Variants in SLCO1B3 observed in about 807,000 individuals in gnomAD.
SLCO1B3 encodes the protein liver-specific organic anion transporter 2.
Under a neutral mutation model 71.8 loss-of-function variants are expected in SLCO1B3, and 72 were observed. The ratio of observed to expected loss-of-function variants is 1.00; its 90% CI spans 0.83 to 1.22. The LOEUF is 1.22. SLCO1B3 is among the 50% of genes most tolerant of loss of function. SLCO1B3 has a pLI of 0.00. For synonymous variants in SLCO1B3, 298 were observed against 278.4 expected (o/e 1.07, Z -0.70); for missense variants, 911 against 819.7 (o/e 1.11, Z -1.36).
intron 3 of SLCO1B3, among the ~76,000 whole-genome samples, chr12:20,852,820 A>C (rs897988150): frequency 1.3e-5 from 2 of 151,832 alleles, no homozygotes; most frequent in Admixed American, 1.3e-4. Context: ...TTTTTTCTAA[A>C]TTTTTTTTGG....
At chr12:20,843,734 T>A (rs1272341525) in intron 3 of SLCO1B3, among the ~76,000 whole-genome samples, 6 of 151,890 alleles carry the variant, frequency 4.0e-5, no homozygotes, top group Non-Finnish European at 1.5e-5. Context: ...TGAGCTGAGA[T>A]TGTGTCACTG....
At chr12:20,888,727 T>G (rs1428089511) in intron 13 of SLCO1B3, among the ~76,000 whole-genome samples, 1 of 152,098 alleles carries the variant, frequency 6.6e-6, no homozygotes, top group Non-Finnish European at 1.5e-5. Context: ...AATACTACGT[T>G]GAATACGAGT....
intron 13 of SLCO1B3, among the ~76,000 whole-genome samples, chr12:20,884,039 C>T (rs1011236272): frequency 1.3e-5 from 2 of 152,170 alleles, no homozygotes; most frequent in East Asian, 3.9e-4. Context: ...GCTTTCAATT[C>T]ACCCACAGCA....
At position 20,879,572 on chromosome 12, in the gene SLCO1B3, A is replaced by G. The variant is rs4149143; in HGVS notation, c.1272A>G (p.Leu424=). The G allele has an allele frequency of 9.9e-5, 159 of 1,613,272 alleles. No individual in the cohort carries two copies. In the East Asian group the frequency reaches 2.8e-3, roughly 29 times the overall value. The part of the protein sequence containing the change: ...TSMISFLFQL[L]YFPLICESKS... ...TGATATCCTTCTTGTTTCAACTTCT[A>G]TATTTCCCTCTAATCTGCGAAAGCA... The change falls in exon 11 of 16, where the codon CTA becomes CTG. Residue 424 remains leucine, a synonymous_variant. Transcript: ENST00000381545.
intron 13 of SLCO1B3, 24 bp downstream of exon 13, chr12:20,883,626 TGTCA>T: frequency 6.7e-7 from 1 of 1,503,002 alleles, no homozygotes; most frequent in Non-Finnish European, 9.0e-7. Flanking sequence ...TGTAAAACAT[TGTCA>T]TGTATATTAG....
chr12:20,884,173 T>C (rs910879271), intron 13 of SLCO1B3, among the ~76,000 whole-genome samples: 1 of 152,186 alleles, frequency 6.6e-6, no homozygotes, highest in Non-Finnish European at 1.5e-5. Flanking sequence ...CGATGAAGAA[T>C]ATTTCCTAGT....
Position 20,879,988 on chromosome 12 carries a change from G to A in SLCO1B3, c.1331+357G>A, listed in dbSNP as rs1649910831. ...AAGACACAAATTTGAGCTATTAGAG[G>A]TATCAGATGTCATTAAATAAAATTA... On this transcript the variant is annotated intron_variant, in intron 11 of 15. Coordinates refer to ENST00000381545, the MANE Select transcript of SLCO1B3 (RefSeq NM_019844.4). Among the ~76,000 whole-genome samples, 4 of 151,824 alleles carry A rather than the reference G, an allele frequency of 2.6e-5. No individual in the cohort carries two copies. In the South Asian group the frequency reaches 8.3e-4, roughly 32 times the overall value.
At chr12:20,866,713 T>C (rs987203675) in intron 8 of SLCO1B3, among the ~76,000 whole-genome samples, 4 of 123,430 alleles carry the variant, frequency 3.2e-5, no homozygotes, top group Non-Finnish European at 7.4e-5. Flanking sequence ...TTTAATCCGA[T>C]GAAAGTGCCC....
intron 2 of SLCO1B3, among the ~76,000 whole-genome samples, chr12:20,814,976 CTTTTCTTTTT>C (rs796896300): frequency 1.0e-3 from 122 of 117,112 alleles, no homozygotes; most frequent in African/African-American, 3.5e-3. Flanking sequence ...CTTTTCTTTT[CTTTTCTTTTT>C]TTTTTTTTTT....
rs141017092 is a variant in SLCO1B3, at chr12:20,867,716, G to A, written c.727+4862G>A. On this transcript the variant is annotated intron_variant, in intron 8 of 15. Transcript: ENST00000381545. ...GGGCACTGAAATGAAAGCAAACAGT[G>A]GAAGAAGGATTGGTATCATATAGAA... 2.0e-5 allele frequency among the ~76,000 whole-genome samples: 3 copies of A among 152,276 alleles called. No homozygotes were observed. The East Asian group carries it at 5.8e-4, about 29-fold the overall frequency.
chr12:20,905,276 C>A (rs967188552), intron 15 of SLCO1B3, among the ~76,000 whole-genome samples: 5 of 152,166 alleles, frequency 3.3e-5, no homozygotes, highest in African/African-American at 1.2e-4. Context: ...TAGGAGGGGC[C>A]TCCATTAAGG....
In SLCO1B3 at chr12:20,814,413, G is replaced by T. The variant is rs186604713; in HGVS notation, c.-66+775G>T. Among the ~76,000 whole-genome samples the T allele has an allele frequency of 1.7e-3, 251 of 152,036 alleles. 4 individuals carry two copies. The East Asian group carries it at 0.025, about 15-fold the overall frequency. The stretch of plus-strand genomic sequence containing the variant: ...TCTAATATGAAATAATTAGATATAA[G>T]CTAAATAGTTAACGATATAGAACTA... On this transcript the variant is annotated intron_variant, in intron 2 of 15. Coordinates refer to ENST00000381545, the MANE Select transcript of SLCO1B3 (RefSeq NM_019844.4).
At chr12:20,884,808 T>C (rs1410898784) in intron 13 of SLCO1B3, among the ~76,000 whole-genome samples, 2 of 152,034 alleles carry the variant, frequency 1.3e-5, no homozygotes, top group Non-Finnish European at 2.9e-5. Flanking sequence ...GTTTTAACTT[T>C]TGTTAATATG....
intron 5 of SLCO1B3, among the ~76,000 whole-genome samples, chr12:20,860,041 C>T (rs543916935): frequency 6.6e-5 from 10 of 151,444 alleles, no homozygotes; most frequent in South Asian, 2.1e-4. Context: ...CTGCAAGCCC[C>T]GCCTCCCGGG....
Position 20,858,538 on chromosome 12 carries a change from T to C in SLCO1B3, c.326T>C (p.Ile109Thr). Residue 109 changes from isoleucine to threonine, a missense_variant, in exon 5 of 16, where the codon ATT becomes ACT. By Grantham distance (89) the Ile-to-Thr change is moderately conservative (BLOSUM62 -1). Coordinates refer to ENST00000381545, the MANE Select transcript of SLCO1B3 (RefSeq NM_019844.4). ...IGCLLMGTGS[I>T]LTSLPHFFMG... The stretch of plus-strand genomic sequence containing the variant: ...TGTCTCCTTATGGGAACTGGAAGTA[T>C]TTTGACATCTTTACCACATTTCTTC... 6.2e-7 allele frequency: 1 copy of C among 1,606,274 alleles called. No homozygotes were observed. The highest frequency in any genetic ancestry group is 8.5e-7 in the Non-Finnish European group (1 of 1,172,992).
intron 3 of SLCO1B3, among the ~76,000 whole-genome samples, chr12:20,850,653 T>C (rs1033192332): frequency 2.0e-5 from 3 of 152,208 alleles, no homozygotes; most frequent in Non-Finnish European, 4.4e-5. Context: ...TTCGCTGTAT[T>C]CTCCTAACTT....
At chr12:20,897,043 A>G (rs1305508058) in intron 13 of SLCO1B3, among the ~76,000 whole-genome samples, 1 of 152,076 alleles carries the variant, frequency 6.6e-6, no homozygotes, top group African/African-American at 2.4e-5. Flanking sequence ...ATTATCTCCC[A>G]CCGGATCCCT....
chr12:20,872,801 T>C (rs1181491537), intron 8 of SLCO1B3, among the ~76,000 whole-genome samples: 1 of 152,032 alleles, frequency 6.6e-6, no homozygotes, highest in Non-Finnish European at 1.5e-5. Flanking sequence ...TTAGAAAAAA[T>C]ATTTTGCAAT....
At chr12:20,865,322 G>A (rs1348059705) in intron 8 of SLCO1B3, among the ~76,000 whole-genome samples, 4 of 152,068 alleles carry the variant, frequency 2.6e-5, no homozygotes, top group African/African-American at 4.8e-5. Flanking sequence ...AACCAGATCA[G>A]TCCATACTAG....
Sources: allele counts gnomAD v4.1 joint callset (sites outside exome capture counted in the v4.1 genomes callset), GRCh38; gene constraint gnomAD v4.1.1; transcripts MANE v1.5; gene names NCBI Gene and HGNC (gene_info 2026-07-23, HGNC 2026-07-21).